PHACTR2: variants seen among roughly 807,000 people sequenced by gnomAD.
PHACTR2 encodes chromosome 6 open reading frame 56.
In PHACTR2, 30 loss-of-function variants were observed where a neutral mutation model predicts 76.0. The ratio of observed to expected loss-of-function variants is 0.39; its 90% confidence interval spans 0.30 to 0.54. The LOEUF is 0.54. PHACTR2 is among the 20% of genes least tolerant of loss of function. The pLI, the probability that PHACTR2 is intolerant of heterozygous loss-of-function variation, is 0.61. For missense variants in PHACTR2, 696 were observed against 781.1 expected (o/e 0.89, Z 1.30); for synonymous variants, 292 against 292.5 (o/e 1.00, Z 0.02).
At position 143,625,161 on chromosome 6, in the gene PHACTR2, C is replaced by CAA. The variant is rs772825475; in HGVS notation, c.13+16849_13+16850dup. ...GTAGAGACAGAATGAGACTTCATCT[C>CAA]AAAAAAAAAAAGTATAGTCAAGGAA... On this transcript the variant is annotated intron_variant, in intron 1 of 11. Coordinates refer to the PHACTR2 transcript ENST00000305766. The surrounding 1 kb of genome is among the most constrained non-coding windows in gnomAD (Gnocchi z 4.3). 7.3e-6 allele frequency among the ~76,000 whole-genome samples: 1 copy of CAA among 137,602 alleles called. No homozygotes were observed. The highest frequency in any genetic ancestry group is 1.6e-5 in the Non-Finnish European group (1 of 63,172). The allele number at this position is 137,602 out of a possible 152,430, so 90.3% of individuals were successfully genotyped here.
At chr6:143,573,576 C>CT (rs112507286) in intron 1 of PHACTR2, among the ~76,000 whole-genome samples, 59 of 149,948 alleles carry the variant, frequency 3.9e-4, no homozygotes, top group South Asian at 2.7e-3. Flanking sequence ...TCTTTCCCTC[C>CT]TTTTTTTTTT....
At position 143,639,339 on chromosome 6, in the gene PHACTR2, C is replaced by T. The variant is rs1396122955; in HGVS notation, c.13+31017C>T. Among the ~76,000 whole-genome samples, 6 of 152,136 alleles carry T rather than the reference C, an allele frequency of 3.9e-5. No individual in the cohort carries two copies. Among genetic ancestry groups the T allele is most frequent in the Non-Finnish European group, 8.8e-5 (6 of 68,022 alleles). ...ATATAGTGATTTAATCTTTAAATCA[C>T]GTTGGGAGTTAGTGTTTATGCCATC... On this transcript the variant is annotated intron_variant, in intron 1 of 11. Transcript: ENST00000305766. This position sits in a 1 kb window ranked among gnomAD's most constrained non-coding sequence, Gnocchi z 5.0.
Position 143,733,601 on chromosome 6 carries a change from A to G in PHACTR2, c.215-15384A>G, listed in dbSNP as rs535358697. 6.6e-6 allele frequency among the ~76,000 whole-genome samples: 1 copy of G among 152,314 alleles called. No individual in the cohort carries two copies. The highest frequency in any genetic ancestry group is 1.9e-4 in the East Asian group (1 of 5,184). On this transcript the variant is annotated intron_variant, in intron 2 of 12. Transcript: ENST00000440869. The surrounding 1 kb of genome is among the most constrained non-coding windows in gnomAD (Gnocchi z 4.0). ...GAGAGTTGCTTAAAACAGCCTCAAGAAACCCTGAAAAGCCATAACAGACTA... is the reference window on the plus strand; with the variant it reads ...GAGAGTTGCTTAAAACAGCCTCAAGGAACCCTGAAAAGCCATAACAGACTA...
Position 143,780,499 on chromosome 6 carries a change from A to C in PHACTR2, c.1646-2720A>C, listed in dbSNP as rs1304550243. Among the ~76,000 whole-genome samples, 2 of 152,260 alleles carry C rather than the reference A, an allele frequency of 1.3e-5. No homozygotes were observed. Among genetic ancestry groups the C allele is most frequent in the Non-Finnish European group, 2.9e-5 (2 of 68,050 alleles). ...ACATGGAAACATGTAAAAAGCAGAA[A>C]GAAAAACAAATCCACAAAAAAATTT... On this transcript the variant is annotated intron_variant, in intron 9 of 12. Transcript: ENST00000440869. The surrounding 1 kb of genome is among the most constrained non-coding windows in gnomAD (Gnocchi z 4.4).
chr6:143,756,630 C>A (rs1295482182), intron 4 of PHACTR2, among the ~76,000 whole-genome samples: 1 of 148,314 alleles, frequency 6.7e-6, no homozygotes, highest in Non-Finnish European at 1.5e-5. Context: ...ACCCGGGAGG[C>A]GGAGCTTGCA....
intron 11 of PHACTR2, among the ~76,000 whole-genome samples, chr6:143,798,598 G>C (rs568375602): frequency 6.6e-6 from 1 of 151,900 alleles, no homozygotes; most frequent in Non-Finnish European, 1.5e-5. Context: ...AGCATGAAAG[G>C]CTGTTGAATT....
Position 143,772,171 on chromosome 6 carries a change from GA to G in PHACTR2, c.1233-84del, listed in dbSNP as rs1775166945. 1 of 899,514 alleles carries G rather than the reference GA, an allele frequency of 1.1e-6. No homozygotes were observed. Among genetic ancestry groups the G allele is most frequent in the South Asian group, 1.4e-5 (1 of 72,544 alleles). 55.7% of individuals were successfully genotyped at this position (899,514 alleles called of 1,614,324 possible). On this transcript the variant is annotated intron_variant, in intron 6 of 12. Transcript: ENST00000440869. This position sits in a 1 kb window ranked among gnomAD's most constrained non-coding sequence, Gnocchi z 5.4. ...TTTCCTCAGCCTGAAGGAAGCCCAT[GA>G]AACTAGAGCTCTTTTTCTTAGTGTC... is the stretch of plus-strand genomic sequence containing the variant.
In PHACTR2 at chr6:143,618,342, A is replaced by G. The variant is rs562277404; in HGVS notation, c.13+10020A>G. ...TAAATTGATAGTGACCTTAAATATT[A>G]AAGCCTAGGGATGCTTTGATAACTT... On this transcript the variant is annotated intron_variant, in intron 1 of 11. Transcript: ENST00000305766. The surrounding 1 kb of genome is among the most constrained non-coding windows in gnomAD (Gnocchi z 5.2). Among the ~76,000 whole-genome samples the G allele has an allele frequency of 1.2e-4, 18 of 152,194 alleles. No homozygotes were observed. The South Asian group carries it at 3.7e-3, about 32-fold the overall frequency.
Position 143,787,037 on chromosome 6 carries a change from C to T in PHACTR2, c.1708-1736C>T, listed in dbSNP as rs1403736534. Among the ~76,000 whole-genome samples, 1 of 151,392 alleles carries T rather than the reference C, an allele frequency of 6.6e-6. No individual in the cohort carries two copies. The highest frequency in any genetic ancestry group is 6.6e-5 in the Admixed American group (1 of 15,210). On this transcript the variant is annotated intron_variant, in intron 10 of 12. Coordinates refer to ENST00000440869, the MANE Select transcript of PHACTR2 (RefSeq NM_001100164.2). This position sits in a 1 kb window ranked among gnomAD's most constrained non-coding sequence, Gnocchi z 4.6. ...GTTACCATCTGTAGACAATCAATCACCCCCTCCTTATTGCCCTGGGCACAG... is the reference window on the plus strand; with the variant it reads ...GTTACCATCTGTAGACAATCAATCATCCCCTCCTTATTGCCCTGGGCACAG...
rs548007702 is a variant in PHACTR2, at chr6:143,619,506, C to A, written c.13+11184C>A. On this transcript the variant is annotated intron_variant, in intron 1 of 11. Transcript: ENST00000305766. The surrounding 1 kb of genome is among the most constrained non-coding windows in gnomAD (Gnocchi z 4.5). ...CTTGCACAAAAATGCTCTGAAATAC[C>A]CTACTGAAGGGTACACAGTGTTGAC... is the stretch of plus-strand genomic sequence containing the variant. Among the ~76,000 whole-genome samples, 2 of 152,168 alleles carry A rather than the reference C, an allele frequency of 1.3e-5. No homozygotes were observed. The highest frequency in any genetic ancestry group is 2.9e-5 in the Non-Finnish European group (2 of 68,034).
rs34096520 is a variant in PHACTR2, at chr6:143,652,066, C to CA, written c.13+43759dup. On this transcript the variant is annotated intron_variant, in intron 1 of 11. Transcript: ENST00000305766. This position sits in a 1 kb window ranked among gnomAD's most constrained non-coding sequence, Gnocchi z 4.5. Reference sequence around the variant, plus strand: ...AGAAATTAAAGTTCTGTTGTTTAAGCAAAAAAAAAAAAAAAGGCCGGTAAA... The same window carrying CA: ...AGAAATTAAAGTTCTGTTGTTTAAGCAAAAAAAAAAAAAAAAGGCCGGTAAA... 0.012 allele frequency among the ~76,000 whole-genome samples: 1,332 copies of CA among 107,744 alleles called. 5 individuals are homozygous for CA. The highest frequency in any genetic ancestry group is 0.017 in the African/African-American group (538 of 31,378). 70.7% of individuals were successfully genotyped at this position (107,744 alleles called of 152,430 possible).
At chr6:143,674,044 A>G (rs907598586), upstream of PHACTR2, among the ~76,000 whole-genome samples, 5 of 152,210 alleles carry the variant, frequency 3.3e-5, no homozygotes, top group African/African-American at 7.2e-5. The surrounding 1 kb of genome is among the most constrained non-coding windows in gnomAD (Gnocchi z 4.9). Flanking sequence ...TTCCTTAACA[A>G]AAGTTTTCCT....
intron 1 of PHACTR2, among the ~76,000 whole-genome samples, chr6:143,693,921 T>G (rs1053264669): frequency 6.6e-6 from 1 of 152,030 alleles, no homozygotes; most frequent in African/African-American, 2.4e-5. Context: ...CAGAAAAAAT[T>G]ATGTGGGTGT....
chr6:143,661,032 A>G (rs562608573), intron 1 of PHACTR2, among the ~76,000 whole-genome samples: 1 of 152,354 alleles, frequency 6.6e-6, no homozygotes, highest in South Asian at 2.1e-4. Flanking sequence ...CACTCTTCAA[A>G]TGGCAATATC....
rs1268074355 is a variant in PHACTR2 at position 143,696,814 on chromosome 6, T to A, written c.47-15202T>A. 6.6e-6 allele frequency among the ~76,000 whole-genome samples: 1 copy of A among 152,214 alleles called. No homozygotes were observed. The highest frequency in any genetic ancestry group is 6.5e-5 in the Admixed American group (1 of 15,286). On this transcript the variant is annotated intron_variant, in intron 1 of 12. Coordinates refer to ENST00000440869, the MANE Select transcript of PHACTR2 (RefSeq NM_001100164.2). The surrounding 1 kb of genome is among the most constrained non-coding windows in gnomAD (Gnocchi z 4.1). Reference sequence around the variant, plus strand: ...TGTGGAAATACCTAAGTGTCAGCCCTCTCTCCACTTGTGTTTGCTCCCCTT... The same window carrying A: ...TGTGGAAATACCTAAGTGTCAGCCCACTCTCCACTTGTGTTTGCTCCCCTT...
chr6:143,759,702 A>G (rs1309734939), intron 4 of PHACTR2, among the ~76,000 whole-genome samples: 1 of 151,708 alleles, frequency 6.6e-6, no homozygotes, highest in Non-Finnish European at 1.5e-5. Flanking sequence ...AGAAAAGAAA[A>G]GGAAGGAAGG....
chr6:143,665,499 A>G lies in PHACTR2; in HGVS notation c.14-46517A>G, dbSNP rs1484138788. Among the ~76,000 whole-genome samples the G allele has an allele frequency of 2.0e-5, 3 of 152,218 alleles. No homozygotes were observed. In the East Asian group the frequency reaches 5.8e-4, roughly 29 times the overall value. ...AATCCACTCCACTCACTGTTGTGCTAGTTTTAAGTAATGGCAATTTGATCT... is the reference window on the plus strand; with the variant it reads ...AATCCACTCCACTCACTGTTGTGCTGGTTTTAAGTAATGGCAATTTGATCT... On this transcript the variant is annotated intron_variant, in intron 1 of 11. Transcript: ENST00000305766.
In PHACTR2 at chr6:143,656,260, C is replaced by A. The variant is rs1776848510; in HGVS notation, c.13+47938C>A. On this transcript the variant is annotated intron_variant, in intron 1 of 11. Coordinates refer to the PHACTR2 transcript ENST00000305766. This position sits in a 1 kb window ranked among gnomAD's most constrained non-coding sequence, Gnocchi z 5.3. The stretch of plus-strand genomic sequence containing the variant: ...CTGACCTTGGCAACTCAGTTACCTC[C>A]TGTGAGCCTAAGCTTTCTTGTCTGC... Among the ~76,000 whole-genome samples, 1 of 152,194 alleles carries A rather than the reference C, an allele frequency of 6.6e-6. No individual in the cohort carries two copies.
chr6:143,728,218 T>C (rs1379737201), intron 2 of PHACTR2, among the ~76,000 whole-genome samples: 12 of 67,346 alleles, frequency 1.8e-4, no homozygotes, highest in African/African-American at 6.5e-4. Context: ...TTTTCTTTCT[T>C]TTTTTTTTTT....
Sources: allele counts gnomAD v4.1 joint callset (sites outside exome capture counted in the v4.1 genomes callset), GRCh38; gene constraint gnomAD v4.1.1; non-coding constraint Gnocchi (gnomAD v3.1); transcripts MANE v1.5; gene names NCBI Gene and HGNC (gene_info 2026-07-23, HGNC 2026-07-21).